The following IGFL2 variants were observed in gnomAD, a reference collection of about 807,000 sequenced individuals.
IGFL2 encodes IGF like family member 2.
Under a neutral mutation model 13.9 loss-of-function variants are expected in IGFL2, and 7 were observed. The observed-to-expected ratio is 0.51, with a 90% CI of 0.29 to 0.95. The LOEUF (loss-of-function observed/expected upper bound fraction) is 0.95. IGFL2 is among the 40% of genes least tolerant of loss of function. IGFL2 has a pLI of 0.08. For synonymous variants in IGFL2, 55 were observed against 55.8 expected (o/e 0.99, Z 0.07); for missense variants, 138 against 147.8 (o/e 0.93, Z 0.34).
chr19:46,144,390 T>C (rs1171387271), upstream of IGFL2, among the ~76,000 whole-genome samples: 2 of 152,212 alleles, frequency 1.3e-5, no homozygotes, highest in East Asian at 3.8e-4. Flanking sequence ...GTCCACGTAA[T>C]TCTCTATCTC....
At chr19:46,095,736 A>G in the IGFL2 span, among the ~76,000 whole-genome samples, 13 of 151,986 alleles carry the variant, frequency 8.6e-5, no homozygotes, top group African/African-American at 3.1e-4. Flanking sequence ...TCCAGTTTCA[A>G]TTTTCTGCAT....
At chr19:46,118,133 A>G in the IGFL2 span, among the ~76,000 whole-genome samples, 1 of 152,166 alleles carries the variant, frequency 6.6e-6, no homozygotes, top group African/African-American at 2.4e-5. Flanking sequence ...TTTTAAAGAG[A>G]AGTTTAGTGT....
the IGFL2 span, among the ~76,000 whole-genome samples, chr19:46,178,888 T>C: frequency 1.3e-5 from 2 of 151,978 alleles, no homozygotes; most frequent in South Asian, 4.1e-4. Context: ...TCAGGCACAC[T>C]TTCTCAGAAC....
chr19:46,192,854 T>C, the IGFL2 span, among the ~76,000 whole-genome samples: 1 of 152,170 alleles, frequency 6.6e-6, no homozygotes, highest in Non-Finnish European at 1.5e-5. Flanking sequence ...TTGGCGTAGG[T>C]TTCAGTTACC....
chr19:46,092,907 G>C, the IGFL2 span, among the ~76,000 whole-genome samples: 1 of 152,118 alleles, frequency 6.6e-6, no homozygotes, highest in Non-Finnish European at 1.5e-5. Flanking sequence ...AATGTTTTTG[G>C]GAAGTTTGAT....
At chr19:46,150,798 T>A (rs959654437) in intron 1 of IGFL2, among the ~76,000 whole-genome samples, 1 of 152,112 alleles carries the variant, frequency 6.6e-6, no homozygotes, top group Non-Finnish European at 1.5e-5. Context: ...AGCTCCCAAG[T>A]AGCTGAGACC....
the IGFL2 span, among the ~76,000 whole-genome samples, chr19:46,183,694 C>G: frequency 6.6e-6 from 1 of 152,086 alleles, no homozygotes; most frequent in South Asian, 2.1e-4. Flanking sequence ...TGACACCATG[C>G]CTGGCTAATT....
At chr19:46,122,877 T>C in the IGFL2 span, among the ~76,000 whole-genome samples, 2 of 150,852 alleles carry the variant, frequency 1.3e-5, no homozygotes, top group South Asian at 4.2e-4. Flanking sequence ...GTATTCCTAG[T>C]CTACTTGATT....
At chr19:46,151,455 A>G (rs1016671051) in intron 1 of IGFL2, among the ~76,000 whole-genome samples, 1 of 152,166 alleles carries the variant, frequency 6.6e-6, no homozygotes, top group African/African-American at 2.4e-5. Flanking sequence ...ATTGATCTAT[A>G]TGTCTATCCT....
chr19:46,127,752 GTCAC>G, the IGFL2 span, among the ~76,000 whole-genome samples: 14 of 152,052 alleles, frequency 9.2e-5, no homozygotes, highest in African/African-American at 3.4e-4. Context: ...TTTTTTTAGA[GTCAC>G]TAATTTTACT....
chr19:46,143,587 T>C (rs1972962157), upstream of IGFL2, among the ~76,000 whole-genome samples: 1 of 152,028 alleles, frequency 6.6e-6, no homozygotes, highest in South Asian at 2.1e-4. Context: ...TTTCAGGAAA[T>C]CAAAAATTAC....
chr19:46,098,821 A>C, the IGFL2 span, among the ~76,000 whole-genome samples: 4 of 152,154 alleles, frequency 2.6e-5, no homozygotes, highest in African/African-American at 9.7e-5. Flanking sequence ...TAGCCCATTT[A>C]CATTTAAGGT....
the IGFL2 span, among the ~76,000 whole-genome samples, chr19:46,086,691 C>T: frequency 6.6e-6 from 1 of 152,172 alleles, no homozygotes; most frequent in South Asian, 2.1e-4. Flanking sequence ...TATTTCCTTA[C>T]TTTTTCATGT....
chr19:46,184,878 G>A, the IGFL2 span, among the ~76,000 whole-genome samples: 2 of 152,202 alleles, frequency 1.3e-5, no homozygotes, highest in Non-Finnish European at 2.9e-5. Flanking sequence ...CACCAACAGT[G>A]TAAAAGCATT....
the IGFL2 span, among the ~76,000 whole-genome samples, chr19:46,078,718 G>A: frequency 1.3e-5 from 2 of 152,172 alleles, no homozygotes; most frequent in Non-Finnish European, 2.9e-5. Flanking sequence ...ACTCTCTCTG[G>A]GGGTATTTGA....
the IGFL2 span, among the ~76,000 whole-genome samples, chr19:46,117,115 C>CT: frequency 6.6e-6 from 1 of 151,966 alleles, no homozygotes; most frequent in African/African-American, 2.4e-5. Context: ...ATGTAAGGTA[C>CT]TTTATTATTT....
the IGFL2 span, among the ~76,000 whole-genome samples, chr19:46,192,580 G>C: frequency 0.01 from 1,541 of 151,622 alleles, 28 homozygotes; most frequent in African/African-American, 0.035. Flanking sequence ...CCACCATGCC[G>C]GGCTAACTTT....
chr19:46,137,198 C>G, the IGFL2 span: 1 of 1,583,856 alleles, frequency 6.3e-7, no homozygotes. Flanking sequence ...CTTCACAGAG[C>G]TTGTTTCAGA....
At chr19:46,171,973 C>CA in the IGFL2 span, among the ~76,000 whole-genome samples, 37 of 148,196 alleles carry the variant, frequency 2.5e-4, no homozygotes, top group Middle Eastern at 3.4e-3. Flanking sequence ...ATCTGAATTG[C>CA]AAAAAAAAAA....
Sources: allele counts gnomAD v4.1 joint callset (sites outside exome capture counted in the v4.1 genomes callset), GRCh38; gene constraint gnomAD v4.1.1; transcripts MANE v1.5; gene names NCBI Gene and HGNC (gene_info 2026-07-23, HGNC 2026-07-21).